The following CSMD1 variants were observed in gnomAD, a reference collection of about 807,000 sequenced individuals.
CSMD1 encodes the protein CUB and Sushi multiple domains 1, also known as CUB and sushi domain-containing protein 1.
Under a neutral mutation model 417.5 loss-of-function variants are expected in CSMD1, and 213 were observed. The ratio of observed to expected loss-of-function variants is 0.51; its 90% CI spans 0.46 to 0.57. The LOEUF (loss-of-function observed/expected upper bound fraction) is 0.57. Ranked by LOEUF, CSMD1 falls within the 20% of genes least tolerant of loss-of-function variation. The pLI, the probability that CSMD1 is intolerant of heterozygous loss-of-function variation, is 0.00. For synonymous variants in CSMD1, 2,862 were observed against 1,736.8 expected (o/e 1.65, Z -16.11); for missense variants, 6,923 against 4,529.7 (o/e 1.53, Z -15.17).
intron 10 of CSMD1, among the ~76,000 whole-genome samples, chr8:3,565,170 C>CAAAAAAAAAAAAAAAAAAAAAAA (rs1799647390): frequency 1.2e-5 from 1 of 86,290 alleles, no homozygotes; most frequent in Non-Finnish European, 2.3e-5. Context: ...AGAGAGAGAT[C>CAAAAAAAAAAAAAAAAAAAAAAA]AAGAAAGAAA....
At chr8:3,385,093 AAT>A (rs1391051427) in intron 18 of CSMD1, among the ~76,000 whole-genome samples, 4,300 of 93,824 alleles carry the variant, frequency 0.046, 176 homozygotes, top group East Asian at 0.16. Flanking sequence ...TTATATATAA[AAT>A]ATATATATAA....
chr8:4,737,131 A>G (rs1309221473), intron 1 of CSMD1, among the ~76,000 whole-genome samples: 2 of 151,096 alleles, frequency 1.3e-5, no homozygotes, highest in East Asian at 1.9e-4. Context: ...TGGTACATCC[A>G]TACCATGGAA....
intron 3 of CSMD1, among the ~76,000 whole-genome samples, chr8:4,169,399 G>C (rs150385125): frequency 6.6e-6 from 1 of 152,092 alleles, no homozygotes; most frequent in Non-Finnish European, 1.5e-5. Context: ...ATGAGGCATT[G>C]TAAATACTCG....
chr8:4,057,912 T>C (rs1264535988), intron 3 of CSMD1, among the ~76,000 whole-genome samples: 1 of 151,920 alleles, frequency 6.6e-6, no homozygotes, highest in African/African-American at 2.4e-5. Flanking sequence ...TTGGTACCAG[T>C]ACCATGCTGT....
intron 5 of CSMD1, among the ~76,000 whole-genome samples, chr8:3,814,229 T>C (rs989231651): frequency 6.6e-6 from 1 of 152,194 alleles, no homozygotes; most frequent in Non-Finnish European, 1.5e-5. Context: ...CTCGTCTGCA[T>C]TCTGAATAGA....
intron 5 of CSMD1, among the ~76,000 whole-genome samples, chr8:3,978,119 C>G (rs1274873770): frequency 1.3e-5 from 2 of 152,126 alleles, no homozygotes; most frequent in African/African-American, 4.8e-5. Flanking sequence ...GATAACAAAA[C>G]GAAAAGCAAG....
chr8:3,181,516 C>T (rs1442670646), intron 36 of CSMD1, among the ~76,000 whole-genome samples: 1 of 152,104 alleles, frequency 6.6e-6, no homozygotes, highest in African/African-American at 2.4e-5. Flanking sequence ...TCTTCTGCTT[C>T]TTAAATTTAT....
At chr8:4,539,467 GA>G (rs1464373637) in intron 2 of CSMD1, among the ~76,000 whole-genome samples, 1 of 151,946 alleles carries the variant, frequency 6.6e-6, no homozygotes, top group Non-Finnish European at 1.5e-5. Flanking sequence ...GAAATTGTGT[GA>G]AAAAAATATA....
chr8:4,353,431 A>G (rs763511836), intron 3 of CSMD1, among the ~76,000 whole-genome samples: 9 of 152,126 alleles, frequency 5.9e-5, no homozygotes, highest in Admixed American at 2.6e-4. Flanking sequence ...TAAATTACCT[A>G]TTCTCGAGTA....
intron 7 of CSMD1, among the ~76,000 whole-genome samples, chr8:3,687,907 A>G (rs1800030000): frequency 6.6e-6 from 1 of 152,228 alleles, no homozygotes; most frequent in South Asian, 2.1e-4. Context: ...AGCAGCTGTG[A>G]GCTCTGAGTA....
At chr8:4,872,884 C>T (rs553963127) in intron 1 of CSMD1, among the ~76,000 whole-genome samples, 5 of 151,918 alleles carry the variant, frequency 3.3e-5, no homozygotes, top group African/African-American at 4.8e-5. Flanking sequence ...GTAGTACTGG[C>T]GAATACTTTG....
chr8:4,087,617 A>T (rs767594175), intron 3 of CSMD1, among the ~76,000 whole-genome samples: 1 of 151,684 alleles, frequency 6.6e-6, no homozygotes, highest in Non-Finnish European at 1.5e-5. Context: ...CTCATTCCCA[A>T]ATCTTTCTTC....
At chr8:3,436,305 A>T (rs544134649) in intron 12 of CSMD1, among the ~76,000 whole-genome samples, 27 of 152,280 alleles carry the variant, frequency 1.8e-4, no homozygotes, top group African/African-American at 6.3e-4. Flanking sequence ...AGGTACAAAA[A>T]GGTGAGAAAG....
At chr8:3,923,433 A>C (rs549496796) in intron 5 of CSMD1, among the ~76,000 whole-genome samples, 3 of 152,170 alleles carry the variant, frequency 2.0e-5, no homozygotes, top group Admixed American at 6.5e-5. Flanking sequence ...TAATTTGCTT[A>C]TTGGATCATT....
intron 18 of CSMD1, among the ~76,000 whole-genome samples, chr8:3,386,131 G>C (rs1810988794): frequency 6.6e-6 from 1 of 152,126 alleles, no homozygotes. Context: ...AAATGGAGTT[G>C]ATGTATTAGA....
At chr8:4,560,025 T>A (rs17344378) in intron 2 of CSMD1, among the ~76,000 whole-genome samples, 25,302 of 152,228 alleles carry the variant, frequency 0.17, 2,386 homozygotes, top group Non-Finnish European at 0.21. Context: ...GAAATGCAGT[T>A]GACAGACAGC....
At chr8:3,910,903 C>T (rs899680892) in intron 5 of CSMD1, among the ~76,000 whole-genome samples, 1 of 151,840 alleles carries the variant, frequency 6.6e-6, no homozygotes, top group Non-Finnish European at 1.5e-5. Context: ...GTGCTTCCTA[C>T]ACAGTATCTA....
At chr8:3,155,359 A>ATTTTTTCTTTTTTTTTTTTTTT (rs1819454098) in intron 39 of CSMD1, among the ~76,000 whole-genome samples, 1 of 43,318 alleles carries the variant, frequency 2.3e-5, no homozygotes, top group Non-Finnish European at 4.7e-5. Context: ...CAAGGCTGGG[A>ATTTTTTCTTTTTTTTTTTTTTT]TTTTTTTTTT....
At chr8:4,907,197 C>G (rs1267520629) in intron 1 of CSMD1, among the ~76,000 whole-genome samples, 1 of 152,182 alleles carries the variant, frequency 6.6e-6, no homozygotes, top group Non-Finnish European at 1.5e-5. Flanking sequence ...TTTTCCACAA[C>G]TTTTACTCTC....
Sources: gnomAD v4.1 joint callset for allele counts (sites outside exome capture counted in the v4.1 genomes callset) on GRCh38, gnomAD v4.1.1 for gene constraint, MANE v1.5 for transcripts, NCBI Gene and HGNC (gene_info 2026-07-23, HGNC 2026-07-21) for gene names.